The following GRID2 variants were observed in gnomAD, a reference collection of about 807,000 sequenced individuals.
GRID2 encodes glutamate receptor ionotropic, delta-2.
In GRID2, 33 loss-of-function variants were observed where a neutral mutation model predicts 114.8. The ratio of observed to expected loss-of-function variants is 0.29; its 90% confidence interval spans 0.22 to 0.38. GRID2 has a LOEUF of 0.38. Ranked by LOEUF, GRID2 falls within the 10% of genes least tolerant of loss-of-function variation. The pLI is 1.00. For synonymous variants in GRID2, 505 were observed against 449.9 expected (o/e 1.12, Z -1.55); for missense variants, 1,184 against 1,257.7 (o/e 0.94, Z 0.89).
At chr4:92,309,510 C>G (rs1295972655) in intron 1 of GRID2, among the ~76,000 whole-genome samples, 2 of 150,744 alleles carry the variant, frequency 1.3e-5, no homozygotes, top group Non-Finnish European at 3.0e-5. Flanking sequence ...TCACTGCATT[C>G]TGAGCTGTAT....
intron 1 of GRID2, among the ~76,000 whole-genome samples, chr4:92,379,069 A>AT (rs1041410763): frequency 6.6e-6 from 1 of 151,920 alleles, no homozygotes; most frequent in South Asian, 2.1e-4. Context: ...TGTATTTTCC[A>AT]TTTTTTTAAA....
intron 2 of GRID2, among the ~76,000 whole-genome samples, chr4:92,948,741 A>G (rs1751822522): frequency 6.6e-6 from 1 of 152,052 alleles, no homozygotes; most frequent in South Asian, 2.1e-4. Flanking sequence ...TTACCATACC[A>G]GAATCGTTTC....
At chr4:92,880,958 A>G (rs903859065) in intron 2 of GRID2, among the ~76,000 whole-genome samples, 2 of 152,086 alleles carry the variant, frequency 1.3e-5, no homozygotes, top group Non-Finnish European at 2.9e-5. Context: ...GCTGGAGTGC[A>G]GTGGCACTAT....
At chr4:92,673,547 C>T (rs1281043673) in intron 2 of GRID2, among the ~76,000 whole-genome samples, 1 of 152,174 alleles carries the variant, frequency 6.6e-6, no homozygotes. Flanking sequence ...TCTTGTACTG[C>T]ATGTCCGCTA....
chr4:93,502,199 G>A (rs543944378), intron 12 of GRID2, among the ~76,000 whole-genome samples: 2 of 152,170 alleles, frequency 1.3e-5, no homozygotes, highest in South Asian at 4.1e-4. Flanking sequence ...GAAGACTTAG[G>A]TTCAAGTCTC....
At chr4:92,891,969 C>T (rs1167958622) in intron 2 of GRID2, among the ~76,000 whole-genome samples, 4 of 152,008 alleles carry the variant, frequency 2.6e-5, no homozygotes, top group African/African-American at 4.8e-5. Context: ...GAAAGTATGC[C>T]TCTTATAATG....
rs796493170 is a variant in GRID2, at chr4:93,216,582, A to G, written c.790-156A>G. Among the ~76,000 whole-genome samples, 7 of 152,194 alleles carry G rather than the reference A, an allele frequency of 4.6e-5. 1 individual carries two copies. The South Asian group carries it at 6.2e-4, about 13-fold the overall frequency. On this transcript the variant is annotated intron_variant, in intron 5 of 15. Transcript: ENST00000282020. ...CTACAAATGAGTTGATAATTTTAACAAAAATATGTTGCTTTCATTTAGATA... is the reference window on the plus strand; with the variant it reads ...CTACAAATGAGTTGATAATTTTAACGAAAATATGTTGCTTTCATTTAGATA...
chr4:93,492,514 A>G (rs1257438693), intron 12 of GRID2, among the ~76,000 whole-genome samples: 2 of 151,798 alleles, frequency 1.3e-5, no homozygotes, highest in Non-Finnish European at 2.9e-5. Context: ...GAAACTCGTC[A>G]TAGCATTTTC....
rs34883996 is a variant in GRID2, at chr4:93,354,815, G to GAT, written c.1246-40776_1246-40775dup. On this transcript the variant is annotated intron_variant, in intron 8 of 15. Coordinates refer to ENST00000282020, the MANE Select transcript of GRID2 (RefSeq NM_001510.4). Reference sequence around the variant, plus strand: ...ATTTATATATATATTTTATAAATAAGATATATATATATATATAATATATAT... The same window carrying GAT: ...ATTTATATATATATTTTATAAATAAGATATATATATATATATATAATATATAT... 7.2e-3 allele frequency among the ~76,000 whole-genome samples: 1,003 copies of GAT among 140,180 alleles called. 5 individuals carry two copies. Among genetic ancestry groups the GAT allele is most frequent in the African/African-American group, 0.02 (751 of 38,222 alleles). The allele number at this position is 140,180 out of a possible 152,430, so 92.0% of individuals were successfully genotyped here.
intron 2 of GRID2, among the ~76,000 whole-genome samples, chr4:92,825,745 C>A (rs1560617701): frequency 6.6e-6 from 1 of 152,052 alleles, no homozygotes; most frequent in East Asian, 1.9e-4. Context: ...ATGCAAGGAG[C>A]CAAGGCAGCC....
intron 13 of GRID2, among the ~76,000 whole-genome samples, chr4:93,588,088 A>G (rs974187754): frequency 1.3e-5 from 2 of 152,154 alleles, no homozygotes; most frequent in Admixed American, 6.6e-5. Flanking sequence ...GTATGAAAAT[A>G]CCTTCATGAA....
intron 8 of GRID2, among the ~76,000 whole-genome samples, chr4:93,314,667 T>G (rs995227187): frequency 6.6e-6 from 1 of 152,066 alleles, no homozygotes; most frequent in Non-Finnish European, 1.5e-5. Flanking sequence ...TTTTTTCTTT[T>G]CCTTTCATGC....
intron 8 of GRID2, among the ~76,000 whole-genome samples, chr4:93,322,230 T>A (rs1757308163): frequency 6.6e-6 from 1 of 152,044 alleles, no homozygotes; most frequent in African/African-American, 2.4e-5. Flanking sequence ...CAGTGTGTGA[T>A]GTTCCCCTTC....
intron 2 of GRID2, among the ~76,000 whole-genome samples, chr4:92,700,249 A>G (rs1734603152): frequency 6.6e-6 from 1 of 152,130 alleles, no homozygotes. Context: ...TCCTTTGATA[A>G]CGATATATTG....
At position 93,261,985 on chromosome 4, in the gene GRID2, C is replaced by T. The variant is rs796238509; in HGVS notation, c.1245+23495C>T. On this transcript the variant is annotated intron_variant, in intron 8 of 15. Coordinates refer to ENST00000282020, the MANE Select transcript of GRID2 (RefSeq NM_001510.4). ...GGCTCAAGGGCCAAACCATAGTTTA[C>T]TGACCCCTGATCTTATCCGTCCAGC... Among the ~76,000 whole-genome samples, 5 of 151,576 alleles carry T rather than the reference C, an allele frequency of 3.3e-5. 1 individual carries two copies. In the South Asian group the frequency reaches 6.2e-4, roughly 19 times the overall value.
chr4:92,404,677 C>G (rs553492825), intron 1 of GRID2, among the ~76,000 whole-genome samples: 1 of 152,136 alleles, frequency 6.6e-6, no homozygotes, highest in Non-Finnish European at 1.5e-5. Context: ...GGTACATACA[C>G]ACCATGGAAT....
At chr4:93,067,910 CA>C (rs1728450024) in intron 2 of GRID2, among the ~76,000 whole-genome samples, 1 of 151,972 alleles carries the variant, frequency 6.6e-6, no homozygotes, top group South Asian at 2.1e-4. Flanking sequence ...GTAATATTTA[CA>C]TATTTAATTA....
chr4:92,666,542 C>T (rs1369468120), intron 2 of GRID2, among the ~76,000 whole-genome samples: 4 of 151,144 alleles, frequency 2.6e-5, no homozygotes, highest in African/African-American at 9.7e-5. Flanking sequence ...TCATATTTCA[C>T]TCCTTCACCT....
chr4:92,352,376 G>T (rs1010435392), intron 1 of GRID2, among the ~76,000 whole-genome samples: 3 of 149,686 alleles, frequency 2.0e-5, no homozygotes, highest in Admixed American at 1.3e-4. Context: ...TATATTTTTT[G>T]CTATTTAGTT....
Sources: allele counts gnomAD v4.1 joint callset (sites outside exome capture counted in the v4.1 genomes callset), GRCh38; gene constraint gnomAD v4.1.1; transcripts MANE v1.5; gene names NCBI Gene and HGNC (gene_info 2026-07-23, HGNC 2026-07-21).